FREM2: variants seen among roughly 807,000 people sequenced by gnomAD.
FREM2 encodes FRAS1-related extracellular matrix protein 2.
A neutral mutation model predicts 219.9 loss-of-function variants in FREM2; 119 were observed. The ratio of observed to expected loss-of-function variants is 0.54; its 90% CI spans 0.47 to 0.63. FREM2 has a LOEUF of 0.63. Among genes scored for constraint, FREM2 ranks in the 30% least tolerant of loss-of-function variants. The pLI, the probability that FREM2 is intolerant of heterozygous loss-of-function variation, is 0.00. For synonymous variants in FREM2, 1,562 were observed against 1,522.8 expected, an observed-to-expected ratio of 1.03 and a Z score of -0.60; for missense variants, 4,030 against 3,993.6, an observed-to-expected ratio of 1.01 and a Z score of -0.25.
intron 4 of FREM2, among the ~76,000 whole-genome samples, chr13:38,777,937 GC>G (rs1451147172): frequency 6.6e-6 from 1 of 152,192 alleles, no homozygotes; most frequent in African/African-American, 2.4e-5. Context: ...GAAGGGCACA[GC>G]CCAGACACTC....
intron 4 of FREM2, among the ~76,000 whole-genome samples, chr13:38,777,180 A>G (rs1429431600): frequency 2.0e-5 from 3 of 152,166 alleles, no homozygotes; most frequent in Non-Finnish European, 2.9e-5. Context: ...ACAATCATAT[A>G]TATATAATTT....
At chr13:38,764,980 A>T (rs1350840853) in intron 3 of FREM2, among the ~76,000 whole-genome samples, 2 of 152,132 alleles carry the variant, frequency 1.3e-5, no homozygotes, top group African/African-American at 2.4e-5. Context: ...GCGTGATCTC[A>T]GCTCACTGCA....
At position 38,885,492 on chromosome 13, in the gene FREM2, CTTTT is replaced by C. The variant is rs1305494375; in HGVS notation, c.*4709_*4712del. On this transcript the variant is annotated 3_prime_UTR_variant, in exon 24 of 24. Coordinates refer to ENST00000280481, the MANE Select transcript of FREM2 (RefSeq NM_207361.6). ...GGTCCAGCCCTGACACCTACTTTTGCTTTTTTTCTTTCTTTCTTTTAATTTGTTG... is the reference window on the plus strand; with the variant it reads ...GGTCCAGCCCTGACACCTACTTTTGCTTTCTTTCTTTCTTTTAATTTGTTG... The C allele has an allele frequency of 6.6e-6, 1 of 152,008 alleles. No individual in the cohort carries two copies. Among genetic ancestry groups the C allele is most frequent in the Non-Finnish European group, 1.5e-5 (1 of 67,956 alleles). The allele number at this position is 152,008 out of a possible 1,614,324, so 9.4% of individuals were successfully genotyped here. A position where few individuals can be genotyped will look rare whatever the true frequency, so the allele number is the denominator to read the frequency against.
intron 6 of FREM2, among the ~76,000 whole-genome samples, chr13:38,817,300 A>T (rs1875804203): frequency 6.6e-6 from 1 of 152,086 alleles, no homozygotes; most frequent in African/African-American, 2.4e-5. Context: ...ATACTACCTC[A>T]CTTCAAAATA....
chr13:38,783,300 A>AATTT, intron 5 of FREM2, 105 bp downstream of exon 5: 1 of 1,186,984 alleles, frequency 8.4e-7, no homozygotes, highest in East Asian at 2.4e-5. Context: ...ATACTTTATT[A>AATTT]ATTTTCCATA....
chr13:38,870,423 CATT>C (rs1316124585), intron 16 of FREM2, among the ~76,000 whole-genome samples: 8 of 152,142 alleles, frequency 5.3e-5, no homozygotes, highest in Admixed American at 2.0e-4. Context: ...TGAAATCACT[CATT>C]GTGTCTCGGT....
intron 2 of FREM2, among the ~76,000 whole-genome samples, chr13:38,708,334 T>G (rs1870621617): frequency 6.6e-6 from 1 of 152,174 alleles, no homozygotes; most frequent in African/African-American, 2.4e-5. Flanking sequence ...GGATATAGCT[T>G]GTTTCCAAAA....
At position 38,690,466 on chromosome 13, in the gene FREM2, A is replaced by G; in HGVS notation, c.3122A>G (p.Gln1041Arg). Residue 1041 changes from glutamine to arginine, a missense_variant, in exon 1 of 24, where the codon CAA (glutamine) becomes CGA (arginine). Physicochemically the swap from Gln to Arg is conservative, Grantham distance 43. Around this residue, in one of 2 missense-constraint regions of FREM2, gnomAD observed 3,102 missense variants for 2,950.7 expected, o/e 1.05. Coordinates refer to ENST00000280481, the MANE Select transcript of FREM2 (RefSeq NM_207361.6). ...AACCTGAGTCTGTCAGATATGTCTC[A>G]AGAATGGAGAATTGGTGGCAATACT... ...SFNLSLSDMS[Q>R]EWRIGGNTIQ... The G allele has an allele frequency of 6.2e-7, 1 of 1,614,216 alleles. No individual in the cohort carries two copies. The highest frequency in any genetic ancestry group is 2.2e-5 in the East Asian group (1 of 44,884).
chr13:38,787,056 C>G (rs1268673656), intron 6 of FREM2, among the ~76,000 whole-genome samples: 1 of 152,130 alleles, frequency 6.6e-6, no homozygotes, highest in Non-Finnish European at 1.5e-5. Context: ...AGTGTCTTAT[C>G]AGAGCTTCAC....
At chr13:38,724,148 T>A (rs1471332953) in intron 2 of FREM2, among the ~76,000 whole-genome samples, 1 of 152,206 alleles carries the variant, frequency 6.6e-6, no homozygotes, top group Admixed American at 6.5e-5. Flanking sequence ...ATGTGTTTTC[T>A]TGCATCTAAA....
rs143196152 is a variant in FREM2 at position 38,792,307 on chromosome 13, C to T, written c.6019+7499C>T. Among the ~76,000 whole-genome samples the T allele has an allele frequency of 7.8e-3, 1,186 of 152,260 alleles. 19 individuals are homozygous for T. The highest frequency in any genetic ancestry group is 0.027 in the African/African-American group (1,129 of 41,542). On this transcript the variant is annotated intron_variant, in intron 6 of 23. Transcript: ENST00000280481. ...GAGGTTGCAGTGAGCTGAGATCACA[C>T]CACTGCACTCCAGCCTGGGCAACAA...
At chr13:38,694,071 A>G (rs887643728) in intron 1 of FREM2, among the ~76,000 whole-genome samples, 1 of 152,248 alleles carries the variant, frequency 6.6e-6, no homozygotes, top group Non-Finnish European at 1.5e-5. Context: ...AGATTTTTAA[A>G]AGGACTATTT....
At chr13:38,767,733 C>A (rs1024139899) in intron 3 of FREM2, among the ~76,000 whole-genome samples, 1 of 152,258 alleles carries the variant, frequency 6.6e-6, no homozygotes, top group African/African-American at 2.4e-5. Context: ...GCACAAGGAA[C>A]CAGAGAGCTG....
In FREM2 at chr13:38,687,819, G is replaced by C; in HGVS notation, c.475G>C (p.Ala159Pro). The C allele has an allele frequency of 6.5e-7, 1 of 1,544,038 alleles. No homozygotes were observed. The highest frequency in any genetic ancestry group is 8.8e-7 in the Non-Finnish European group (1 of 1,140,422). Residue 159 changes from alanine (A) to proline (P), a missense_variant, in exon 1 of 24, where the codon GCG (alanine) becomes CCG (proline). This residue lies in a region of FREM2 where 3,102 missense variants were observed against 2,950.7 expected (regional missense o/e 1.05). Transcript: ENST00000280481. ...CGTCCGGCTGCAGCTGCGCTATGAC[G>C]CGCCCGGAGGGGCAGTAGTGCTACC... is the stretch of plus-strand genomic sequence containing the variant. ...DRVRLQLRYD[A>P]PGGAVVLPLV...
At chr13:38,712,663 CACACACACACACAA>C (rs1237115434) in intron 2 of FREM2, among the ~76,000 whole-genome samples, 1 of 150,726 alleles carries the variant, frequency 6.6e-6, no homozygotes, top group Non-Finnish European at 1.5e-5. Flanking sequence ...CACACACACA[CACACACACACACAA>C]ACACACACAC....
rs1877663889 is a variant in FREM2 at position 38,859,158 on chromosome 13, G to A, written c.7216-129G>A. On this transcript the variant is annotated intron_variant, in intron 13 of 23. Transcript: ENST00000280481. Reference sequence around the variant, plus strand: ...TTATCATGCCTGGGGATCAAAATTCGGAAGCTGTATAAACAGCATGTGGAA... The same window carrying A: ...TTATCATGCCTGGGGATCAAAATTCAGAAGCTGTATAAACAGCATGTGGAA... 7 of 833,036 alleles carry A rather than the reference G, an allele frequency of 8.4e-6. No individual in the cohort carries two copies. The East Asian group carries it at 9.9e-5, about 12-fold the overall frequency. The allele number at this position is 833,036 out of a possible 1,614,324, so 51.6% of individuals were successfully genotyped here. A position where few individuals can be genotyped will look rare whatever the true frequency, so the allele number is the denominator to read the frequency against.
At position 38,880,824 on chromosome 13, in the gene FREM2, C is replaced by T. The variant is rs1444273796; in HGVS notation, c.*37C>T. On this transcript the variant is annotated 3_prime_UTR_variant, in exon 24 of 24. Coordinates refer to ENST00000280481, the MANE Select transcript of FREM2 (RefSeq NM_207361.6). ...AGAATTCAACCTTTTCCGTAAGTGCCTCGGAAAAGATCACAATGGAACCTT... is the reference window on the plus strand; with the variant it reads ...AGAATTCAACCTTTTCCGTAAGTGCTTCGGAAAAGATCACAATGGAACCTT... The T allele has an allele frequency of 1.2e-6, 2 of 1,610,546 alleles. No individual in the cohort carries two copies. Among genetic ancestry groups the T allele is most frequent in the Non-Finnish European group, 1.7e-6 (2 of 1,177,504 alleles).
chr13:38,795,215 T>C (rs987112713), intron 6 of FREM2, among the ~76,000 whole-genome samples: 2 of 151,864 alleles, frequency 1.3e-5, no homozygotes, highest in Non-Finnish European at 2.9e-5. Context: ...GAAGGAGATG[T>C]TTCTGAGGGT....
chr13:38,729,307 C>T (rs1871668628), intron 2 of FREM2, among the ~76,000 whole-genome samples: 2 of 151,998 alleles, frequency 1.3e-5, no homozygotes, highest in African/African-American at 2.4e-5. Flanking sequence ...ACATATGATG[C>T]TTTTCTTTTG....
Sources: allele counts gnomAD v4.1 joint callset (sites outside exome capture counted in the v4.1 genomes callset), GRCh38; gene constraint gnomAD v4.1.1; regional missense constraint gnomAD v4.1.1; transcripts MANE v1.5; gene names NCBI Gene and HGNC (gene_info 2026-07-23, HGNC 2026-07-21).